CAMTA1: variants seen among roughly 807,000 people sequenced by gnomAD.
CAMTA1 encodes the protein calmodulin binding transcription activator 1.
In CAMTA1, 27 loss-of-function variants were observed where a neutral mutation model predicts 170.9. The ratio of observed to expected loss-of-function variants is 0.16; its 90% CI spans 0.12 to 0.22. The LOEUF (loss-of-function observed/expected upper bound fraction) is 0.22. CAMTA1 is among the 10% of genes least tolerant of loss of function. CAMTA1 has a pLI of 1.00. For missense variants in CAMTA1, 1,619 were observed against 2,217.2 expected (o/e 0.73, Z 5.42); for synonymous variants, 833 against 891.5 (o/e 0.93, Z 1.17).
chr1:7,004,593 T>C (rs1367030013), intron 3 of CAMTA1, among the ~76,000 whole-genome samples: 1 of 152,210 alleles, frequency 6.6e-6, no homozygotes, highest in Non-Finnish European at 1.5e-5. Context: ...AATGGAAATA[T>C]GCCGATCCAT....
At chr1:6,925,633 C>T (rs1371781565) in intron 3 of CAMTA1, among the ~76,000 whole-genome samples, 2 of 152,150 alleles carry the variant, frequency 1.3e-5, no homozygotes, top group African/African-American at 4.8e-5. Flanking sequence ...CTCCTTGGTA[C>T]CCTCTCTGGT....
intron 3 of CAMTA1, among the ~76,000 whole-genome samples, chr1:6,842,782 G>C (rs1244279546): frequency 1.3e-5 from 2 of 152,082 alleles, no homozygotes; most frequent in Non-Finnish European, 2.9e-5. Flanking sequence ...AAATTAGCTG[G>C]GCATGGTGGT....
chr1:7,406,366 T>A (rs2090285497), intron 5 of CAMTA1, among the ~76,000 whole-genome samples: 1 of 152,200 alleles, frequency 6.6e-6, no homozygotes, highest in African/African-American at 2.4e-5. Flanking sequence ...TAAGTGTTCC[T>A]GAAAGGTAGG....
intron 3 of CAMTA1, among the ~76,000 whole-genome samples, chr1:7,060,014 A>G (rs886309039): frequency 3.9e-5 from 6 of 152,186 alleles, no homozygotes; most frequent in African/African-American, 1.4e-4. Flanking sequence ...CTGCCCCTAG[A>G]CCAGGCCCCA....
At position 7,325,025 on chromosome 1, in the gene CAMTA1, T is replaced by A. The variant is rs2149707169; in HGVS notation, c.438+75399T>A. On this transcript the variant is annotated intron_variant, in intron 5 of 22. Transcript: ENST00000303635. This position sits in a 1 kb window ranked among gnomAD's most constrained non-coding sequence, Gnocchi z 5.0. ...TGAAGACGTTGATTATATCTTGATT[T>A]TCTATACCCCTCCAAAATAGACATC... Among the ~76,000 whole-genome samples, 1 of 152,334 alleles carries A rather than the reference T, an allele frequency of 6.6e-6. No individual in the cohort carries two copies. The highest frequency in any genetic ancestry group is 1.9e-4 in the East Asian group (1 of 5,194).
At chr1:6,924,531 C>T (rs1304648128) in intron 3 of CAMTA1, among the ~76,000 whole-genome samples, 1 of 152,198 alleles carries the variant, frequency 6.6e-6, no homozygotes, top group Non-Finnish European at 1.5e-5. Flanking sequence ...GCTTCTCCCT[C>T]TTTCACCCAC....
intron 6 of CAMTA1, among the ~76,000 whole-genome samples, chr1:7,627,318 G>A (rs1259856348): frequency 6.6e-6 from 1 of 152,150 alleles, no homozygotes; most frequent in Non-Finnish European, 1.5e-5. Flanking sequence ...AAAGAATCAC[G>A]CTTCCCAAAT....
At chr1:7,087,235 G>A (rs2148089017) in intron 3 of CAMTA1, among the ~76,000 whole-genome samples, 2 of 152,310 alleles carry the variant, frequency 1.3e-5, no homozygotes, top group South Asian at 2.1e-4. Context: ...CCCCTCGTCG[G>A]CGGGAGCATC....
chr1:6,861,881 C>T (rs1664820581), intron 3 of CAMTA1, among the ~76,000 whole-genome samples: 1 of 152,136 alleles, frequency 6.6e-6, no homozygotes, highest in South Asian at 2.1e-4. Flanking sequence ...ACCCCTCGCC[C>T]CCGGCAACCA....
intron 3 of CAMTA1, among the ~76,000 whole-genome samples, chr1:6,884,844 A>G (rs372301150): frequency 6.6e-6 from 1 of 152,224 alleles, no homozygotes; most frequent in Non-Finnish European, 1.5e-5. Flanking sequence ...AGGAGCATGT[A>G]GAGACTCTGG....
At chr1:7,444,019 C>T (rs1189652989) in intron 5 of CAMTA1, among the ~76,000 whole-genome samples, 7 of 151,938 alleles carry the variant, frequency 4.6e-5, no homozygotes, top group East Asian at 1.9e-4. Context: ...GAGGAGTTTG[C>T]GGAGGGTGGG....
At position 7,633,403 on chromosome 1, in the gene CAMTA1, C is replaced by A. The variant is rs1558031663; in HGVS notation, c.511-6997C>A. Reference sequence around the variant, plus strand: ...TGCAGAGGGGCAGAGAGCTCGTGGACCCCCCCAGATGCCACCCCTCCTGGG... The same window carrying A: ...TGCAGAGGGGCAGAGAGCTCGTGGAACCCCCCAGATGCCACCCCTCCTGGG... On this transcript the variant is annotated intron_variant, in intron 6 of 22. Coordinates refer to ENST00000303635, the MANE Select transcript of CAMTA1 (RefSeq NM_015215.4). This position sits in a 1 kb window ranked among gnomAD's most constrained non-coding sequence, Gnocchi z 4.1. Among the ~76,000 whole-genome samples the A allele has an allele frequency of 6.6e-6, 1 of 152,048 alleles. No individual in the cohort carries two copies. Among genetic ancestry groups the A allele is most frequent in the African/African-American group, 2.4e-5 (1 of 41,356 alleles).
At chr1:7,081,932 T>A (rs146804433) in intron 3 of CAMTA1, among the ~76,000 whole-genome samples, 152 of 152,354 alleles carry the variant, frequency 1.0e-3, no homozygotes, top group East Asian at 8.9e-3. Context: ...TTTGTGACCT[T>A]TGCTTCTGAG....
At chr1:7,491,404 A>G (rs2093700899) in intron 6 of CAMTA1, among the ~76,000 whole-genome samples, 1 of 152,246 alleles carries the variant, frequency 6.6e-6, no homozygotes, top group Non-Finnish European at 1.5e-5. Flanking sequence ...GGAAAAGGCC[A>G]AAACTAACCC....
intron 3 of CAMTA1, among the ~76,000 whole-genome samples, chr1:6,949,423 G>A (rs1688094334): frequency 6.6e-6 from 1 of 152,236 alleles, no homozygotes; most frequent in Non-Finnish European, 1.5e-5. Flanking sequence ...CATGCTGTGG[G>A]TGAGAATCTC....
chr1:6,797,281 A>T (rs1642749643), intron 1 of CAMTA1, among the ~76,000 whole-genome samples: 3 of 152,070 alleles, frequency 2.0e-5, no homozygotes, highest in African/African-American at 7.2e-5. Context: ...GGCTGGTCTC[A>T]TACTACAGGG....
chr1:7,435,680 G>A lies in CAMTA1; in HGVS notation c.439-32150G>A, dbSNP rs981157002. Among the ~76,000 whole-genome samples the A allele has an allele frequency of 3.9e-5, 6 of 152,294 alleles. No individual in the cohort carries two copies. The highest frequency in any genetic ancestry group is 4.2e-4 in the South Asian group (2 of 4,818). ...CCTTCTGACCAGGCAAGGGCTGGCC[G>A]CCGTTCTCATGGCTGAAGGGTACTC... On this transcript the variant is annotated intron_variant, in intron 5 of 22. Transcript: ENST00000303635. The surrounding 1 kb of genome is among the most constrained non-coding windows in gnomAD (Gnocchi z 4.4).
At chr1:6,837,919 GTCA>G (rs914839154) in intron 3 of CAMTA1, among the ~76,000 whole-genome samples, 34 of 152,296 alleles carry the variant, frequency 2.2e-4, no homozygotes, top group African/African-American at 7.2e-4. Flanking sequence ...ATTAGCATTT[GTCA>G]TCATCTAATA....
At chr1:6,940,169 A>G (rs893748360) in intron 3 of CAMTA1, among the ~76,000 whole-genome samples, 1 of 152,208 alleles carries the variant, frequency 6.6e-6, no homozygotes, top group African/African-American at 2.4e-5. Context: ...TATATGAATG[A>G]TATTTATGTG....
Sources: gnomAD v4.1 joint callset for allele counts (sites outside exome capture counted in the v4.1 genomes callset) on GRCh38, gnomAD v4.1.1 for gene constraint, Gnocchi (gnomAD v3.1) non-coding constraint, MANE v1.5 for transcripts, NCBI Gene and HGNC (gene_info 2026-07-23, HGNC 2026-07-21) for gene names.